TLR4: variants seen among roughly 807,000 people sequenced by gnomAD.
TLR4 encodes toll-like receptor 4.
TLR4 carries 17 observed loss-of-function variants against 27.4 expected under a neutral mutation model. That is an observed-to-expected ratio of 0.62 (90% CI 0.42 to 0.93). TLR4 has a LOEUF of 0.93. Among genes scored for constraint, TLR4 ranks in the 40% least tolerant of loss-of-function variants. TLR4 has a pLI of 0.00. For missense variants in TLR4, 926 were observed against 962.3 expected (o/e 0.96, Z 0.50); for synonymous variants, 363 against 365.7 (o/e 0.99, Z 0.08).
rs1829350706 is a variant in TLR4 at position 117,716,533 on chromosome 9, T to C, written c.*1885T>C. On this transcript the variant is annotated 3_prime_UTR_variant, in exon 3 of 3. Coordinates refer to ENST00000355622, the MANE Select transcript of TLR4 (RefSeq NM_138554.5). Reference sequence around the variant, plus strand: ...TAGTCAAACTCATAGAAGCAGAGAATAGAACAGTGGTTCCTAGGGAAAAGG... The same window carrying C: ...TAGTCAAACTCATAGAAGCAGAGAACAGAACAGTGGTTCCTAGGGAAAAGG... 6.6e-6 allele frequency: 1 copy of C among 152,132 alleles called. No homozygotes were observed. Among genetic ancestry groups the C allele is most frequent in the Non-Finnish European group, 1.5e-5 (1 of 68,004 alleles). The allele number at this position is 152,132 out of a possible 1,614,324, so 9.4% of individuals were successfully genotyped here. A position where few individuals can be genotyped will look rare whatever the true frequency, so the allele number is the denominator to read the frequency against.
Position 117,713,385 on chromosome 9 carries a change from G to T in TLR4, c.1257G>T (p.Leu419Phe). The T allele has an allele frequency of 6.2e-7, 1 of 1,614,018 alleles. No homozygotes were observed. The highest frequency in any genetic ancestry group is 8.5e-7 in the Non-Finnish European group (1 of 1,179,972). The change falls in exon 3 of 3, where the codon TTG becomes TTT. Residue 419 changes from leucine to phenylalanine, a missense_variant. Coordinates refer to ENST00000355622, the MANE Select transcript of TLR4 (RefSeq NM_138554.5). ...TTATTACCATGAGTTCAAACTTCTTGGGCTTAGAACAACTAGAACATCTGG... is the reference window on the plus strand; with the variant it reads ...TTATTACCATGAGTTCAAACTTCTTTGGCTTAGAACAACTAGAACATCTGG... ...NGVITMSSNF[L>F]GLEQLEHLDF...
At chr9:117,704,694 C>A in intron 1 of TLR4, 129 bp downstream of exon 1, 1 of 817,280 alleles carries the variant, frequency 1.2e-6, no homozygotes, top group South Asian at 1.5e-5. Context: ...CTCAAGAAGC[C>A]ACAGAGATCA....
At position 117,715,976 on chromosome 9, in the gene TLR4, C is replaced by T. The variant is rs989270733; in HGVS notation, c.*1328C>T. 1 of 152,058 alleles carries T rather than the reference C, an allele frequency of 6.6e-6. No homozygotes were observed. The highest frequency in any genetic ancestry group is 1.5e-5 in the Non-Finnish European group (1 of 68,016). 9.4% of individuals were successfully genotyped at this position (152,058 alleles called of 1,614,324 possible). ...ACAGAACATTCAAGAAAAGGACAAT[C>T]AGGATGTCATCAGGGAAATGAAAAT... On this transcript the variant is annotated 3_prime_UTR_variant, in exon 3 of 3. Transcript: ENST00000355622.
rs1175079382 is a variant in TLR4, at chr9:117,720,784, C to G, written c.*6136C>G. On this transcript the variant is annotated 3_prime_UTR_variant, in exon 3 of 3. Coordinates refer to ENST00000355622, the MANE Select transcript of TLR4 (RefSeq NM_138554.5). The stretch of plus-strand genomic sequence containing the variant: ...TGACCTGAAATAACCCAGCCTGACT[C>G]TATCCACAGCCACCCCAGGACCTTG... 1.3e-5 allele frequency: 2 copies of G among 152,388 alleles called. No homozygotes were observed. The highest frequency in any genetic ancestry group is 2.9e-5 in the Non-Finnish European group (2 of 68,194). 9.4% of individuals were successfully genotyped at this position (152,388 alleles called of 1,614,324 possible). A position where few individuals can be genotyped will look rare whatever the true frequency, so the allele number is the denominator to read the frequency against.
chr9:117,714,446 AGGT>A lies in TLR4; in HGVS notation c.2321_2323del (p.Val774del). ...GGTATCATCTTCATTGTCCTGCAGA[AGGT>A]GGAGAAGACCCTGCTCAGGCAGCAG... On this transcript the variant is annotated inframe_deletion, in exon 3 of 3. Transcript: ENST00000355622. 6.2e-7 allele frequency: 1 copy of A among 1,613,892 alleles called. No individual in the cohort carries two copies. The highest frequency in any genetic ancestry group is 8.5e-7 in the Non-Finnish European group (1 of 1,179,986).
intron 2 of TLR4, among the ~76,000 whole-genome samples, chr9:117,711,830 T>G (rs1156272459): frequency 1.3e-5 from 2 of 152,188 alleles, no homozygotes; most frequent in Non-Finnish European, 2.9e-5. Context: ...TTACAAGCAT[T>G]TACCTCTGAT....
At chr9:117,708,383 G>A in intron 1 of TLR4, 180 bp from the exon 2 acceptor site, 11 of 1,451,640 alleles carry the variant, frequency 7.6e-6, no homozygotes, top group Non-Finnish European at 1.0e-5. Context: ...CAATTTATAA[G>A]CATGAATTGA....
intron 1 of TLR4, 41 bp from the exon 2 acceptor site, chr9:117,708,522 C>T: frequency 4.3e-6 from 7 of 1,612,790 alleles, no homozygotes; most frequent in Non-Finnish European, 5.9e-6. Context: ...GTTGGGAGAC[C>T]ATGCAGTAAA....
chr9:117,705,813 T>C (rs754877127), intron 1 of TLR4, among the ~76,000 whole-genome samples: 6 of 152,198 alleles, frequency 3.9e-5, no homozygotes, highest in Non-Finnish European at 8.8e-5. Flanking sequence ...TTAAAAACTT[T>C]TAATAACTCT....
intron 2 of TLR4, 140 bp from the exon 3 acceptor site, chr9:117,712,249 C>T (rs1453177216): frequency 1.2e-6 from 1 of 825,270 alleles, no homozygotes. Flanking sequence ...CATCATCTGT[C>T]CTGCTTGATG....
In TLR4 at chr9:117,717,345, A is replaced by G. The variant is rs1174615735; in HGVS notation, c.*2697A>G. 1 of 152,096 alleles carries G rather than the reference A, an allele frequency of 6.6e-6. No individual in the cohort carries two copies. The highest frequency in any genetic ancestry group is 6.6e-5 in the Admixed American group (1 of 15,244). The allele number at this position is 152,096 out of a possible 1,614,324, so 9.4% of individuals were successfully genotyped here. A position where few individuals can be genotyped will look rare whatever the true frequency, so the allele number is the denominator to read the frequency against. On this transcript the variant is annotated 3_prime_UTR_variant, in exon 3 of 3. Coordinates refer to ENST00000355622, the MANE Select transcript of TLR4 (RefSeq NM_138554.5). ...CCTCATATATGCAATATTTTTTCCT[A>G]TACATAAATACCTAAGATAAAGTTC...
At position 117,712,877 on chromosome 9, in the gene TLR4, T is replaced by A; in HGVS notation, c.749T>A (p.Leu250Gln). The A allele has an allele frequency of 6.2e-7, 1 of 1,614,118 alleles. No individual in the cohort carries two copies. Among genetic ancestry groups the A allele is most frequent in the Non-Finnish European group, 8.5e-7 (1 of 1,179,988 alleles). The change falls in exon 3 of 3, where the codon CTG becomes CAG. Residue 250 changes from leucine (L) to glutamine (Q), a missense_variant. Leu to Gln is a moderately radical substitution (Grantham distance 113, BLOSUM62 -2). Transcript: ENST00000355622. ...GTAATGAAAACTTGTATTCAAGGTCTGGCTGGTTTAGAAGTCCATCGTTTG... is the reference window on the plus strand; with the variant it reads ...GTAATGAAAACTTGTATTCAAGGTCAGGCTGGTTTAGAAGTCCATCGTTTG... ...LNVMKTCIQG[L>Q]AGLEVHRLVL...
Position 117,722,607 on chromosome 9 carries a change from A to C in TLR4, c.*7959A>C, listed in dbSNP as rs996496264. ...AGCACCTGAGAGTCTAGCACCACTA[A>C]AGGCAGGGAATACCTTTGCCAGTTT... On this transcript the variant is annotated 3_prime_UTR_variant, in exon 3 of 3. Coordinates refer to ENST00000355622, the MANE Select transcript of TLR4 (RefSeq NM_138554.5). 1 of 152,244 alleles carries C rather than the reference A, an allele frequency of 6.6e-6. No homozygotes were observed. The highest frequency in any genetic ancestry group is 2.4e-5 in the African/African-American group (1 of 41,458). The allele number at this position is 152,244 out of a possible 1,614,324, so 9.4% of individuals were successfully genotyped here.
rs1375482425 is a variant in TLR4, at chr9:117,720,841, A to T, written c.*6193A>T. On this transcript the variant is annotated 3_prime_UTR_variant, in exon 3 of 3. Coordinates refer to ENST00000355622, the MANE Select transcript of TLR4 (RefSeq NM_138554.5). ...CGTCTTCCTAGGGCTCGGCCGTGAG[A>T]TGCTAGTGCATGACCCTTCCTCTTC... 6.6e-6 allele frequency: 1 copy of T among 152,290 alleles called. No individual in the cohort carries two copies. The highest frequency in any genetic ancestry group is 1.5e-5 in the Non-Finnish European group (1 of 68,202). The allele number at this position is 152,290 out of a possible 1,614,324, so 9.4% of individuals were successfully genotyped here. A position where few individuals can be genotyped will look rare whatever the true frequency, so the allele number is the denominator to read the frequency against.
At chr9:117,710,865 C>A (rs1056630788) in intron 2 of TLR4, among the ~76,000 whole-genome samples, 1 of 152,094 alleles carries the variant, frequency 6.6e-6, no homozygotes, top group African/African-American at 2.4e-5. Context: ...TCTCCAGAAT[C>A]CAACTTAAAT....
intron 1 of TLR4, 94 bp downstream of exon 1, chr9:117,704,659 A>T: frequency 9.3e-7 from 1 of 1,075,968 alleles, no homozygotes; most frequent in Admixed American, 2.0e-5. Flanking sequence ...TGCAAAAAAA[A>T]AAAAGAGTTA....
In TLR4 at chr9:117,708,708, T is replaced by G; in HGVS notation, c.239T>G (p.Leu80Arg). The change falls in exon 2 of 3, where the codon CTG (leucine) becomes CGG (arginine). Residue 80 changes from leucine to arginine, a missense_variant. By Grantham distance (102) the Leu-to-Arg change is moderately radical (BLOSUM62 -2). Coordinates refer to ENST00000355622, the MANE Select transcript of TLR4 (RefSeq NM_138554.5). ...GSYSFFSFPE[L>R]QVLDLSRCEI... ...TATAGCTTCTTCAGTTTCCCAGAAC[T>G]GCAGGTGCTGGATTTATCCAGGTAA... 3 of 1,613,918 alleles carry G rather than the reference T, an allele frequency of 1.9e-6. No homozygotes were observed. Among genetic ancestry groups the G allele is most frequent in the Non-Finnish European group, 2.5e-6 (3 of 1,179,802 alleles).
Position 117,715,465 on chromosome 9 carries a change from G to A in TLR4, c.*817G>A, listed in dbSNP as rs1282796934. On this transcript the variant is annotated 3_prime_UTR_variant, in exon 3 of 3. Coordinates refer to ENST00000355622, the MANE Select transcript of TLR4 (RefSeq NM_138554.5). ...TTGCCTACTAAGTAATGACTGTCAT[G>A]AAAGCAGCATTGAAATAATTTGTTT... 1 of 152,108 alleles carries A rather than the reference G, an allele frequency of 6.6e-6. No homozygotes were observed. Among genetic ancestry groups the A allele is most frequent in the Admixed American group, 6.5e-5 (1 of 15,276 alleles). The allele number at this position is 152,108 out of a possible 1,614,324, so 9.4% of individuals were successfully genotyped here. A position where few individuals can be genotyped will look rare whatever the true frequency, so the allele number is the denominator to read the frequency against.
In TLR4 at chr9:117,720,595, T is replaced by A. The variant is rs1829411549; in HGVS notation, c.*5947T>A. 1 of 152,310 alleles carries A rather than the reference T, an allele frequency of 6.6e-6. No individual in the cohort carries two copies. Among genetic ancestry groups the A allele is most frequent in the East Asian group, 1.9e-4 (1 of 5,186 alleles). 9.4% of individuals were successfully genotyped at this position (152,310 alleles called of 1,614,324 possible). ...AATGACGTGATGTTTATGAGAGAAG[T>A]GTTTTGTTGAAAATTAAACTCACGT... On this transcript the variant is annotated 3_prime_UTR_variant, in exon 3 of 3. Coordinates refer to ENST00000355622, the MANE Select transcript of TLR4 (RefSeq NM_138554.5).
Sources: allele counts gnomAD v4.1 joint callset (sites outside exome capture counted in the v4.1 genomes callset), GRCh38; gene constraint gnomAD v4.1.1; transcripts MANE v1.5; gene names NCBI Gene and HGNC (gene_info 2026-07-23, HGNC 2026-07-21).